The following NOTCH3 variants were observed in gnomAD, a reference collection of about 807,000 sequenced individuals.
NOTCH3 encodes the protein neurogenic locus notch homolog protein 3.
NOTCH3 carries 86 observed loss-of-function variants against 213.3 expected under a neutral mutation model. The observed-to-expected ratio is 0.40, with a 90% confidence interval of 0.34 to 0.48. The LOEUF is 0.48. Among genes scored for constraint, NOTCH3 ranks in the 20% least tolerant of loss-of-function variants. The pLI is 0.57. For missense variants in NOTCH3, 2,783 were observed against 3,272.6 expected, an observed-to-expected ratio of 0.85 and a Z score of 3.65; for synonymous variants, 1,354 against 1,355.9, an observed-to-expected ratio of 1.00 and a Z score of 0.03.
chr19:15,187,344 G>A lies in NOTCH3; in HGVS notation c.1607-6C>T, dbSNP rs1182803924. 2.5e-6 allele frequency: 4 copies of A among 1,611,424 alleles called. No homozygotes were observed. The highest frequency in any genetic ancestry group is 3.4e-6 in the Non-Finnish European group (4 of 1,178,908). ...ACACAGCGTGCCCTCAAAGCCTGTG[G>A]GGCCAAGAGGGTCAGGCTCCGCCCA... On this transcript the variant is annotated splice_polypyrimidine_tract_variant and splice_region_variant and intron_variant, in intron 10 of 32. Transcript: ENST00000263388.
At chr19:15,180,533 A>G in intron 19 of NOTCH3, 148 bp downstream of exon 19, 1 of 980,986 alleles carries the variant, frequency 1.0e-6, no homozygotes, top group Non-Finnish European at 1.5e-6. Context: ...GCCAGTTGTC[A>G]CATGCTCACA....
At position 15,161,070 on chromosome 19, in the gene NOTCH3, C is replaced by T. The variant is rs1259845448; in HGVS notation, c.6558G>A (p.Leu2186=). 2 of 1,540,788 alleles carry T rather than the reference C, an allele frequency of 1.3e-6. No homozygotes were observed. The highest frequency in any genetic ancestry group is 1.7e-6 in the Non-Finnish European group (2 of 1,148,258). Residue 2186 remains leucine (L), a synonymous_variant, in exon 33 of 33, where the codon CTG becomes CTA. Coordinates refer to ENST00000263388, the MANE Select transcript of NOTCH3 (RefSeq NM_000435.3). The part of the protein sequence containing the change: ...PPPAPPGPSF[L]LPLAPGPQLL... ...GCTGGGGTCCCGGCGCCAGTGGCAG[C>T]AGGAACGAGGGGCCTGGAGGGGCAG...
chr19:15,197,441 G>GGGGCCCCC, intron 2 of NOTCH3, 59 bp downstream of exon 2: 10 of 768,336 alleles, frequency 1.3e-5, no homozygotes, highest in Non-Finnish European at 2.1e-5. Context: ...AAGACAAATC[G>GGGGCCCCC]CCCCTCCCCC....
chr19:15,175,945 T>C lies in NOTCH3; in HGVS notation c.4404-1545A>G, dbSNP rs997295474. ...GGAGGGTTCCAAGCAGACAGAGAGG[T>C]ACGCAGAGGACAGAAGGGGCAGGGT... On this transcript the variant is annotated intron_variant, in intron 24 of 32. Coordinates refer to ENST00000263388, the MANE Select transcript of NOTCH3 (RefSeq NM_000435.3). Among the ~76,000 whole-genome samples the C allele has an allele frequency of 2.0e-5, 3 of 149,052 alleles. 1 individual carries two copies. The highest frequency in any genetic ancestry group is 7.4e-5 in the African/African-American group (3 of 40,330).
At position 15,181,736 on chromosome 19, in the gene NOTCH3, C is replaced by T. The variant is rs1024501380; in HGVS notation, c.2632G>A (p.Gly878Ser). The change falls in exon 17 of 33, where the codon GGT becomes AGT. Residue 878 changes from glycine (G) to serine (S), a missense_variant. Physicochemically the swap from Gly to Ser is moderately conservative, Grantham distance 56 (BLOSUM62 0). Transcript: ENST00000263388. The part of the protein sequence containing the change: ...VGSFSCSCLP[G>S]FAGPRCARDV... ...CGGGCGCATCGTGGGCCGGCGAAAC[C>T]AGGGAGGCAGGAGCAGGAAAAGGAG... 1.2e-5 allele frequency: 19 copies of T among 1,574,546 alleles called. No individual in the cohort carries two copies. Among genetic ancestry groups the T allele is most frequent in the Non-Finnish European group, 1.6e-5 (19 of 1,159,636 alleles).
intron 28 of NOTCH3, among the ~76,000 whole-genome samples, chr19:15,169,582 G>A (rs1305486496): frequency 6.6e-6 from 1 of 152,124 alleles, no homozygotes; most frequent in Admixed American, 6.5e-5. Context: ...TGTTGGTCAG[G>A]CTGGTCTCGA....
intron 6 of NOTCH3, among the ~76,000 whole-genome samples, chr19:15,189,730 G>A (rs1476008280): frequency 1.3e-5 from 2 of 151,588 alleles, no homozygotes; most frequent in Non-Finnish European, 2.9e-5. Context: ...AGTTAGCCAG[G>A]TTGGTCTCAA....
At chr19:15,187,385 C>A in intron 10 of NOTCH3, 47 bp from the exon 11 acceptor site, 2 of 1,548,494 alleles carry the variant, frequency 1.3e-6, no homozygotes, top group South Asian at 1.1e-5. Flanking sequence ...CAGGGGCCTG[C>A]CCACAAGTGA....
At position 15,173,724 on chromosome 19, in the gene NOTCH3, CAAAAAAA is replaced by C. The variant is rs1212635746; in HGVS notation, c.4736+337_4736+343del. On this transcript the variant is annotated intron_variant, in intron 25 of 32. Coordinates refer to ENST00000263388, the MANE Select transcript of NOTCH3 (RefSeq NM_000435.3). ...AGCCTGGGCGACAGAGACTCCGTCT[CAAAAAAA>C]AAAAAAAAAAGAAAAGAAGAAGGAG... Among the ~76,000 whole-genome samples, 170 of 131,336 alleles carry C rather than the reference CAAAAAAA, an allele frequency of 1.3e-3. 4 individuals carry two copies. Among genetic ancestry groups the C allele is most frequent in the African/African-American group, 5.4e-3 (163 of 29,982 alleles). 86.2% of individuals were successfully genotyped at this position (131,336 alleles called of 152,430 possible).
rs3087938 is a variant in NOTCH3, at chr19:15,159,945, G to C, written c.*717C>G. On this transcript the variant is annotated 3_prime_UTR_variant, in exon 33 of 33. Transcript: ENST00000263388. The stretch of plus-strand genomic sequence containing the variant: ...GATGGCCAAGGGTGGGGCTGGGGCA[G>C]AGGGAGTTGGCAGTGGGCCCTTCCC... 3.6e-4 allele frequency: 84 copies of C among 233,712 alleles called. No individual in the cohort carries two copies. In the Middle Eastern group the frequency reaches 4.9e-3, roughly 14 times the overall value. The allele number at this position is 233,712 out of a possible 1,614,324, so 14.5% of individuals were successfully genotyped here. A position where few individuals can be genotyped will look rare whatever the true frequency, so the allele number is the denominator to read the frequency against.
chr19:15,193,055 C>A (rs1483597320), intron 2 of NOTCH3, among the ~76,000 whole-genome samples: 1 of 152,138 alleles, frequency 6.6e-6, no homozygotes, highest in Non-Finnish European at 1.5e-5. Context: ...GCAGCCAGGT[C>A]CAGGCAAGGA....
chr19:15,188,882 C>A (rs2046905170), intron 8 of NOTCH3, 107 bp downstream of exon 8: 1 of 1,117,636 alleles, frequency 8.9e-7, no homozygotes, highest in East Asian at 2.6e-5. Context: ...CTCTAAGGGT[C>A]CCACTCCAAA....
In NOTCH3 at chr19:15,174,049, T is replaced by G. The variant is rs765535027; in HGVS notation, c.4736+19A>C. 2 of 1,542,362 alleles carry G rather than the reference T, an allele frequency of 1.3e-6. No individual in the cohort carries two copies. The highest frequency in any genetic ancestry group is 1.8e-6 in the Non-Finnish European group (2 of 1,140,598). On this transcript the variant is annotated intron_variant, in intron 25 of 32. Transcript: ENST00000263388. ...TCCTCTCCCCAGCCACCACGGCTTTTCCAGGTGGGGTCACTCACCCGATCA... is the reference window on the plus strand; with the variant it reads ...TCCTCTCCCCAGCCACCACGGCTTTGCCAGGTGGGGTCACTCACCCGATCA...
chr19:15,174,540 G>T, intron 24 of NOTCH3, 140 bp from the exon 25 acceptor site: 1 of 598,830 alleles, frequency 1.7e-6, no homozygotes, highest in Non-Finnish European at 2.7e-6. Flanking sequence ...CCCATGCCAG[G>T]CTTTCTGCAA....
intron 28 of NOTCH3, among the ~76,000 whole-genome samples, chr19:15,168,836 A>G (rs1177234511): frequency 6.6e-6 from 1 of 152,050 alleles, no homozygotes; most frequent in African/African-American, 2.4e-5. Flanking sequence ...CTGGTCTCAA[A>G]AAATAAATAA....
At position 15,173,452 on chromosome 19, in the gene NOTCH3, A is replaced by G. The variant is rs2046756727; in HGVS notation, c.4736+616T>C. 2.2e-5 allele frequency among the ~76,000 whole-genome samples: 3 copies of G among 137,516 alleles called. No homozygotes were observed. In the South Asian group the frequency reaches 7.0e-4, roughly 32 times the overall value. The allele number at this position is 137,516 out of a possible 152,430, so 90.2% of individuals were successfully genotyped here. A position where few individuals can be genotyped will look rare whatever the true frequency, so the allele number is the denominator to read the frequency against. ...AAAAAAAAAAAAAAAAGAGAGAGAG[A>G]GATGGGAGTCTTGCTATGTTGCCCA... On this transcript the variant is annotated intron_variant, in intron 25 of 32. Transcript: ENST00000263388.
chr19:15,191,833 G>A lies in NOTCH3; in HGVS notation c.714C>T (p.Asp238=), dbSNP rs138307755. 1.3e-5 allele frequency: 21 copies of A among 1,613,936 alleles called. No individual in the cohort carries two copies. The highest frequency in any genetic ancestry group is 5.0e-5 in the Admixed American group (3 of 60,022). ...FEGQNCEVNV[D]DCPGHRCLNG... ...TGAGACATCGGTGTCCTGGACAGTC[G>A]TCCACGTTCACTTCACAATTCTGAC... Residue 238 remains aspartate, a synonymous_variant, in exon 5 of 33, where the codon GAC becomes GAT. Coordinates refer to ENST00000263388, the MANE Select transcript of NOTCH3 (RefSeq NM_000435.3).
intron 24 of NOTCH3, among the ~76,000 whole-genome samples, chr19:15,175,552 A>AAAATAAATATAT (rs1273195882): frequency 4.2e-5 from 1 of 24,006 alleles, no homozygotes; most frequent in Non-Finnish European, 1.2e-4. Flanking sequence ...AAAAAAAAAA[A>AAAATAAATATAT]ATACATATAT....
intron 29 of NOTCH3, among the ~76,000 whole-genome samples, 186 bp from the exon 30 acceptor site, chr19:15,166,277 C>T (rs1470936411): frequency 6.6e-6 from 1 of 152,134 alleles, no homozygotes; most frequent in Non-Finnish European, 1.5e-5. Context: ...AGAACTACTC[C>T]TAGGGCACAG....
Sources: allele counts gnomAD v4.1 joint callset (sites outside exome capture counted in the v4.1 genomes callset), GRCh38; gene constraint gnomAD v4.1.1; transcripts MANE v1.5; gene names NCBI Gene and HGNC (gene_info 2026-07-23, HGNC 2026-07-21).